Variants in RELN observed in about 807,000 individuals in gnomAD.
RELN encodes reelin.
RELN carries 108 observed loss-of-function variants against 427.6 expected under a neutral mutation model. The observed-to-expected ratio is 0.25, with a 90% confidence interval of 0.22 to 0.30. The LOEUF (loss-of-function observed/expected upper bound fraction) is 0.30. RELN is among the 10% of genes least tolerant of loss of function. The pLI is 1.00. For synonymous variants in RELN, 1,524 were observed against 1,513.4 expected, an observed-to-expected ratio of 1.01 and a Z score of -0.16; for missense variants, 3,715 against 4,302.8, an observed-to-expected ratio of 0.86 and a Z score of 3.82.
In RELN at chr7:103,596,457, T is replaced by C. The variant is rs752638603; in HGVS notation, c.3538A>G (p.Arg1180Gly). ...EMYFSDFSKP[R>G]FVYLELPAAA... ...GAGGACCATCAGGTGGGTAGTTACCTGGGTTTGCTGAAGTCTGAAAAGTAC... is the reference window on the plus strand; with the variant it reads ...GAGGACCATCAGGTGGGTAGTTACCCGGGTTTGCTGAAGTCTGAAAAGTAC... Residue 1180 changes from arginine (R) to glycine (G), a missense_variant and splice_region_variant, in exon 25 of 65, where the codon AGA (arginine) becomes GGA (glycine). By Grantham distance (125) the Arg-to-Gly change is moderately radical. Transcript: ENST00000428762. 1 of 1,612,906 alleles carries C rather than the reference T, an allele frequency of 6.2e-7. No homozygotes were observed.
intron 16 of RELN, among the ~76,000 whole-genome samples, chr7:103,646,363 C>G (rs1218107149): frequency 6.6e-6 from 1 of 151,484 alleles, no homozygotes; most frequent in African/African-American, 2.4e-5. Context: ...ACCAAGTTGA[C>G]CAATCACTAG....
In RELN at chr7:103,635,442, G is replaced by A; in HGVS notation, c.2448C>T (p.Leu816=). ...CAACATACCTGGGCTCATGATAGCT[G>A]AGATATGAATAATGCTCCAGGAGTT... The part of the protein sequence containing the change: ...TWKLLEHYSY[L]SYHEPRIISV... The change falls in exon 19 of 65, where the codon CTC becomes CTT. Residue 816 remains leucine (L), a synonymous_variant. Transcript: ENST00000428762. 2 of 1,613,926 alleles carry A rather than the reference G, an allele frequency of 1.2e-6. No homozygotes were observed. The highest frequency in any genetic ancestry group is 1.7e-6 in the Non-Finnish European group (2 of 1,179,896).
intron 10 of RELN, among the ~76,000 whole-genome samples, chr7:103,688,813 A>C (rs1239861937): frequency 6.6e-6 from 1 of 152,140 alleles, no homozygotes; most frequent in Admixed American, 6.6e-5. Flanking sequence ...GAAAATTAAT[A>C]GACTCTTGTG....
intron 3 of RELN, among the ~76,000 whole-genome samples, chr7:103,810,533 C>G (rs561243159): frequency 6.6e-6 from 1 of 152,152 alleles, no homozygotes; most frequent in East Asian, 1.9e-4. Context: ...TTCTTCGTGA[C>G]AGTCAGCAGA....
chr7:103,497,783 T>G (rs1828883606), intron 55 of RELN, 37 bp downstream of exon 55: 1 of 1,557,466 alleles, frequency 6.4e-7, no homozygotes, highest in African/African-American at 1.4e-5. Context: ...AATTTGGGAA[T>G]CTGCTCCAAG....
At chr7:103,619,586 T>C (rs1015384143) in intron 20 of RELN, among the ~76,000 whole-genome samples, 3 of 152,238 alleles carry the variant, frequency 2.0e-5, no homozygotes, top group African/African-American at 7.2e-5. Context: ...CAAGTTTATG[T>C]TAATGAGTCT....
intron 11 of RELN, among the ~76,000 whole-genome samples, chr7:103,678,711 A>C (rs149866751): frequency 3.9e-5 from 6 of 152,192 alleles, no homozygotes; most frequent in Admixed American, 6.5e-5. Flanking sequence ...TGATTCTTAC[A>C]TAACAAAAAC....
rs575547099 is a variant in RELN, at chr7:103,771,502, C to T, written c.544+5055G>A. ...ATGGTTCTCAAATGTCCTTGGCTGT[C>T]CCAGCCAGTGACAGGCCCCCTTCTC... On this transcript the variant is annotated intron_variant, in intron 4 of 64. Coordinates refer to ENST00000428762, the MANE Select transcript of RELN (RefSeq NM_005045.4). Among the ~76,000 whole-genome samples the T allele has an allele frequency of 8.5e-5, 13 of 152,300 alleles. No individual in the cohort carries two copies. In the East Asian group the frequency reaches 2.5e-3, roughly 30 times the overall value.
intron 6 of RELN, among the ~76,000 whole-genome samples, chr7:103,743,714 T>G (rs1286915295): frequency 6.6e-6 from 1 of 152,194 alleles, no homozygotes; most frequent in Non-Finnish European, 1.5e-5. Flanking sequence ...AAGAGCTAAC[T>G]ATCCTAAATA....
At chr7:103,892,070 C>T (rs927941805) in intron 2 of RELN, among the ~76,000 whole-genome samples, 2 of 152,294 alleles carry the variant, frequency 1.3e-5, no homozygotes, top group African/African-American at 4.8e-5. Context: ...CCAACGTATT[C>T]GGACAAAGCC....
At chr7:103,482,830 C>G in intron 63 of RELN, 43 bp downstream of exon 63, 1 of 1,613,892 alleles carries the variant, frequency 6.2e-7, no homozygotes, top group Non-Finnish European at 8.5e-7. Context: ...GAATTTCAAA[C>G]CTTCCTGAAA....
intron 56 of RELN, 120 bp downstream of exon 56, chr7:103,496,406 G>T: frequency 7.4e-7 from 1 of 1,352,558 alleles, no homozygotes; most frequent in Non-Finnish European, 1.1e-6. Flanking sequence ...GCTAACATTT[G>T]TTGAGCAGGA....
intron 1 of RELN, among the ~76,000 whole-genome samples, chr7:103,974,091 C>G (rs898470212): frequency 6.6e-6 from 1 of 152,058 alleles, no homozygotes; most frequent in African/African-American, 2.4e-5. Context: ...TGAGGTGAGC[C>G]GAGACGGTGC....
chr7:103,866,598 A>G (rs1457268207), intron 2 of RELN, among the ~76,000 whole-genome samples: 1 of 152,098 alleles, frequency 6.6e-6, no homozygotes, highest in Admixed American at 6.6e-5. Context: ...AATTTAAATC[A>G]AAAGAATAGG....
chr7:103,920,593 T>TTTTTGA lies in RELN; in HGVS notation c.227-3409_227-3408insTCAAAA, dbSNP rs57282777. Among the ~76,000 whole-genome samples, 54 of 129,380 alleles carry TTTTTGA rather than the reference T, an allele frequency of 4.2e-4. 3 individuals are homozygous for TTTTTGA. The highest frequency in any genetic ancestry group is 1.3e-3 in the African/African-American group (42 of 32,838). The allele number at this position is 129,380 out of a possible 152,430, so 84.9% of individuals were successfully genotyped here. On this transcript the variant is annotated intron_variant, in intron 1 of 64. Coordinates refer to ENST00000428762, the MANE Select transcript of RELN (RefSeq NM_005045.4). ...TTTTTTTTTTTGTTTTTTTTTTTTTTGAGAGAGTCTCGCTCTCTTACCCAG... is the reference window on the plus strand; with the variant it reads ...TTTTTTTTTTTGTTTTTTTTTTTTTTTTTTGAGAGAGAGTCTCGCTCTCTTACCCAG...
chr7:103,912,383 A>T (rs1179684451), intron 2 of RELN, among the ~76,000 whole-genome samples: 1 of 151,936 alleles, frequency 6.6e-6, no homozygotes, highest in Non-Finnish European at 1.5e-5. Context: ...ATGGGGTTTG[A>T]CTATGTTGGC....
At chr7:103,538,945 T>G in intron 45 of RELN, 133 bp downstream of exon 45, 2 of 949,724 alleles carry the variant, frequency 2.1e-6, no homozygotes, top group East Asian at 5.1e-5. Flanking sequence ...AAGAGTACAG[T>G]GTGGTTTGAC....
intron 4 of RELN, among the ~76,000 whole-genome samples, chr7:103,774,547 T>A (rs1256411729): frequency 6.6e-6 from 1 of 152,198 alleles, no homozygotes. Flanking sequence ...GGCACTGTGC[T>A]GTGGTATATG....
At chr7:103,747,921 AC>A (rs1258348690) in intron 6 of RELN, among the ~76,000 whole-genome samples, 7 of 151,670 alleles carry the variant, frequency 4.6e-5, no homozygotes, top group Non-Finnish European at 1.0e-4. Context: ...AAAATCAATC[AC>A]ATTTTATTGA....
Sources: gnomAD v4.1 joint callset for allele counts (sites outside exome capture counted in the v4.1 genomes callset) on GRCh38, gnomAD v4.1.1 for gene constraint, MANE v1.5 for transcripts, NCBI Gene and HGNC (gene_info 2026-07-23, HGNC 2026-07-21) for gene names.